Variants in GPR26 observed in about 807,000 individuals in gnomAD.
GPR26 encodes G protein-coupled receptor 26.
In GPR26, 15 loss-of-function variants were observed where a neutral mutation model predicts 23.1. The ratio of observed to expected loss-of-function variants is 0.65; its 90% CI spans 0.43 to 1.00. GPR26 has a LOEUF of 1.00. GPR26 is among the 50% of genes least tolerant of loss of function. GPR26 has a pLI of 0.00. For synonymous variants in GPR26, 228 were observed against 222.1 expected, an observed-to-expected ratio of 1.03 and a Z score of -0.24; for missense variants, 359 against 470.5, an observed-to-expected ratio of 0.76 and a Z score of 2.19.
chr10:123,673,015 A>G (rs1845267608), intron 1 of GPR26, among the ~76,000 whole-genome samples: 1 of 152,224 alleles, frequency 6.6e-6, no homozygotes, highest in Non-Finnish European at 1.5e-5. Context: ...GATATCTAGC[A>G]TGGCACACAT....
chr10:123,690,437 T>C lies in GPR26; in HGVS notation c.*2277T>C, dbSNP rs1178400918. 1 of 152,236 alleles carries C rather than the reference T, an allele frequency of 6.6e-6. No individual in the cohort carries two copies. Among genetic ancestry groups the C allele is most frequent in the Non-Finnish European group, 1.5e-5 (1 of 68,054 alleles). The allele number at this position is 152,236 out of a possible 1,614,324, so 9.4% of individuals were successfully genotyped here. ...CATGCTCTTTCTGCTTTCTCTGTAC[T>C]GTATAGGCAACATGTTGTACTCCCA... On this transcript the variant is annotated 3_prime_UTR_variant, in exon 3 of 3. Transcript: ENST00000284674.
chr10:123,687,973 G>C lies in GPR26; in HGVS notation c.827G>C (p.Gly276Ala). 1 of 1,613,896 alleles carries C rather than the reference G, an allele frequency of 6.2e-7. No homozygotes were observed. Among genetic ancestry groups the C allele is most frequent in the Non-Finnish European group, 8.5e-7 (1 of 1,179,904 alleles). Residue 276 changes from glycine (G) to alanine (A), a missense_variant, in exon 3 of 3, where the codon GGG (glycine) becomes GCG (alanine). Coordinates refer to ENST00000284674, the MANE Select transcript of GPR26 (RefSeq NM_153442.4). ...ACGGTGCCCATCGGCTCCCACTGGG[G>C]GGTGCTGTCCAAGTGCTTGGCGTAC... ...FSTVPIGSHW[G>A]VLSKCLAYSK...
At chr10:123,675,960 T>C (rs1845305891) in intron 2 of GPR26, among the ~76,000 whole-genome samples, 1 of 152,046 alleles carries the variant, frequency 6.6e-6, no homozygotes, top group African/African-American at 2.4e-5. Context: ...TCACCATCAC[T>C]CAGCATCTTG....
At chr10:123,669,781 C>T (rs1845230641) in intron 1 of GPR26, among the ~76,000 whole-genome samples, 1 of 152,178 alleles carries the variant, frequency 6.6e-6, no homozygotes. Context: ...ATACCCGGGA[C>T]CCTCTCTTCT....
At chr10:123,669,355 C>T (rs1297778058) in intron 1 of GPR26, among the ~76,000 whole-genome samples, 3 of 152,210 alleles carry the variant, frequency 2.0e-5, no homozygotes, top group Non-Finnish European at 4.4e-5. Context: ...CTCAAGAGAC[C>T]CTGACAGCCA....
Position 123,696,482 on chromosome 10 carries a change from G to A in GPR26, c.*8322G>A, listed in dbSNP as rs1845545707. 6.6e-6 allele frequency among the ~76,000 whole-genome samples: 1 copy of A among 152,278 alleles called. No homozygotes were observed. The highest frequency in any genetic ancestry group is 1.5e-5 in the Non-Finnish European group (1 of 68,024). ...AGAGAGTGGCTAGTAGATGATAGAA[G>A]GGAGTCCAGTTAAGGAAACCTAAGG... On this transcript the variant is annotated 3_prime_UTR_variant, in exon 3 of 3. Coordinates refer to ENST00000284674, the MANE Select transcript of GPR26 (RefSeq NM_153442.4).
chr10:123,681,710 T>C (rs1845379915), intron 2 of GPR26, among the ~76,000 whole-genome samples: 1 of 152,216 alleles, frequency 6.6e-6, no homozygotes, highest in African/African-American at 2.4e-5. Context: ...GCCTGTTAAC[T>C]TTCTCAGATA....
Position 123,668,472 on chromosome 10 carries a change from A to C in GPR26, c.668+1397A>C, listed in dbSNP as rs577957870. ...ATGTAAACGTGGGAGCTCCACACAC[A>C]ATCTCATGTGTTCACACATAAACTG... is the stretch of plus-strand genomic sequence containing the variant. On this transcript the variant is annotated intron_variant, in intron 1 of 2. Transcript: ENST00000284674. Among the ~76,000 whole-genome samples the C allele has an allele frequency of 9.2e-5, 14 of 152,304 alleles. No homozygotes were observed. The South Asian group carries it at 2.1e-3, about 23-fold the overall frequency.
Position 123,696,790 on chromosome 10 carries a change from A to G in GPR26, c.*8630A>G, listed in dbSNP as rs1010570348. Among the ~76,000 whole-genome samples the G allele has an allele frequency of 6.8e-6, 1 of 146,940 alleles. No individual in the cohort carries two copies. Among genetic ancestry groups the G allele is most frequent in the Non-Finnish European group, 1.5e-5 (1 of 64,622 alleles). ...GCCCGTGATCATATGCATATGGGTG[A>G]ATGTTTGTGTGCCCATGATTTTATG... On this transcript the variant is annotated 3_prime_UTR_variant, in exon 3 of 3. Coordinates refer to ENST00000284674, the MANE Select transcript of GPR26 (RefSeq NM_153442.4).
intron 2 of GPR26, among the ~76,000 whole-genome samples, chr10:123,679,270 A>G (rs1181194533): frequency 6.6e-6 from 1 of 152,072 alleles, no homozygotes; most frequent in African/African-American, 2.4e-5. Context: ...ATGCAGACCA[A>G]CTTTAACCCA....
chr10:123,693,373 T>A lies in GPR26; in HGVS notation c.*5213T>A, dbSNP rs1589934382. The A allele has an allele frequency of 6.6e-6, 1 of 152,214 alleles. No individual in the cohort carries two copies. The highest frequency in any genetic ancestry group is 1.9e-4 in the East Asian group (1 of 5,184). The allele number at this position is 152,214 out of a possible 1,614,324, so 9.4% of individuals were successfully genotyped here. A position where few individuals can be genotyped will look rare whatever the true frequency, so the allele number is the denominator to read the frequency against. Reference sequence around the variant, plus strand: ...AGGAGCATCAGTAGGACCCAGCATTTCCCCTGGCACCAAAGTGGACCTCTT... The same window carrying A: ...AGGAGCATCAGTAGGACCCAGCATTACCCCTGGCACCAAAGTGGACCTCTT... On this transcript the variant is annotated 3_prime_UTR_variant, in exon 3 of 3. Transcript: ENST00000284674.
chr10:123,683,047 TGTGA>T (rs1419432696), intron 2 of GPR26, among the ~76,000 whole-genome samples: 4 of 151,718 alleles, frequency 2.6e-5, no homozygotes, highest in Non-Finnish European at 5.9e-5. Context: ...TGTGTGTGTG[TGTGA>T]GTGAGAGAGG....
Position 123,674,776 on chromosome 10 carries a change from AG to A in GPR26, c.669-39del. 5 of 1,322,624 alleles carry A rather than the reference AG, an allele frequency of 3.8e-6. No homozygotes were observed. The highest frequency in any genetic ancestry group is 5.4e-6 in the Non-Finnish European group (5 of 920,144). 81.9% of individuals were successfully genotyped at this position (1,322,624 alleles called of 1,614,324 possible). A position where few individuals can be genotyped will look rare whatever the true frequency, so the allele number is the denominator to read the frequency against. ...AATAGTGCCTCATCCTGACCTAGCA[AG>A]GGTGCCTCGTAGTTCACCTTCTCTC... On this transcript the variant is annotated intron_variant, in intron 1 of 2. Transcript: ENST00000284674. The surrounding 1 kb of genome is among the most constrained non-coding windows in gnomAD (Gnocchi z 4.1).
Position 123,688,321 on chromosome 10 carries a change from T to G in GPR26, c.*161T>G. ...AGGGGCTCCAGAGCCTGCTTCCTGG[T>G]TCCTCAAGGGCAGATATTGGACACT... On this transcript the variant is annotated 3_prime_UTR_variant, in exon 3 of 3. Coordinates refer to ENST00000284674, the MANE Select transcript of GPR26 (RefSeq NM_153442.4). 1.6e-6 allele frequency: 1 copy of G among 614,564 alleles called. No individual in the cohort carries two copies. The highest frequency in any genetic ancestry group is 2.9e-6 in the Non-Finnish European group (1 of 345,740). The allele number at this position is 614,564 out of a possible 1,614,324, so 38.1% of individuals were successfully genotyped here. A position where few individuals can be genotyped will look rare whatever the true frequency, so the allele number is the denominator to read the frequency against.
At chr10:123,675,825 TGTGTGTAC>T (rs1286553138) in intron 2 of GPR26, among the ~76,000 whole-genome samples, 2 of 123,736 alleles carry the variant, frequency 1.6e-5, no homozygotes, top group African/African-American at 7.0e-5. Flanking sequence ...TGTACGTGTG[TGTGTGTAC>T]GTGTGTGTGT....
Position 123,688,171 on chromosome 10 carries a change from T to G in GPR26, c.*11T>G. 1 of 1,233,598 alleles carries G rather than the reference T, an allele frequency of 8.1e-7. No individual in the cohort carries two copies. The highest frequency in any genetic ancestry group is 1.1e-6 in the Non-Finnish European group (1 of 899,720). The allele number at this position is 1,233,598 out of a possible 1,614,324, so 76.4% of individuals were successfully genotyped here. ...CCGGTGTCTGAGTGAAGGACCGCGC[T>G]CCTGCTGAAGAGTTTAGAATGAGGC... is the stretch of plus-strand genomic sequence containing the variant. On this transcript the variant is annotated 3_prime_UTR_variant, in exon 3 of 3. Coordinates refer to ENST00000284674, the MANE Select transcript of GPR26 (RefSeq NM_153442.4).
At position 123,667,561 on chromosome 10, in the gene GPR26, CTGTGTGTGTGTG is replaced by C. The variant is rs71026066; in HGVS notation, c.668+515_668+526del. On this transcript the variant is annotated intron_variant, in intron 1 of 2. Transcript: ENST00000284674. ...GTGTGGCGCTGCCTCTGTCTCACGACTGTGTGTGTGTGTGTGTGTGTGTGTGTGTGTGTGTGT... is the reference window on the plus strand; with the variant it reads ...GTGTGGCGCTGCCTCTGTCTCACGACTGTGTGTGTGTGTGTGTGTGTGTGT... Among the ~76,000 whole-genome samples, 74 of 125,082 alleles carry C rather than the reference CTGTGTGTGTGTG, an allele frequency of 5.9e-4. 1 individual carries two copies. Among genetic ancestry groups the C allele is most frequent in the Non-Finnish European group, 8.6e-4 (52 of 60,594 alleles). 82.1% of individuals were successfully genotyped at this position (125,082 alleles called of 152,430 possible).
chr10:123,671,522 C>T (rs909325138), intron 1 of GPR26, among the ~76,000 whole-genome samples: 4 of 152,192 alleles, frequency 2.6e-5, no homozygotes, highest in Non-Finnish European at 4.4e-5. Context: ...GGACCTCCTC[C>T]CTCCCCCACT....
At position 123,687,971 on chromosome 10, in the gene GPR26, G is replaced by C. The variant is rs376063141; in HGVS notation, c.825G>C (p.Trp275Cys). 6.2e-7 allele frequency: 1 copy of C among 1,613,842 alleles called. No homozygotes were observed. Among genetic ancestry groups the C allele is most frequent in the Non-Finnish European group, 8.5e-7 (1 of 1,179,880 alleles). Residue 275 changes from tryptophan (W) to cysteine (C), a missense_variant, in exon 3 of 3, where the codon TGG (tryptophan) becomes TGC (cysteine). Physicochemically the swap from Trp to Cys is radical, Grantham distance 215 (BLOSUM62 -2). Coordinates refer to ENST00000284674, the MANE Select transcript of GPR26 (RefSeq NM_153442.4). ...LFSTVPIGSH[W>C]GVLSKCLAYS... ...CCACGGTGCCCATCGGCTCCCACTG[G>C]GGGGTGCTGTCCAAGTGCTTGGCGT...
Sources: allele counts gnomAD v4.1 joint callset (sites outside exome capture counted in the v4.1 genomes callset), GRCh38; gene constraint gnomAD v4.1.1; non-coding constraint Gnocchi (gnomAD v3.1); transcripts MANE v1.5; gene names NCBI Gene and HGNC (gene_info 2026-07-23, HGNC 2026-07-21).